Variants in CSGALNACT1 observed in about 807,000 individuals in gnomAD.
CSGALNACT1 encodes the protein chondroitin sulfate N-acetylgalactosaminyltransferase 1, also known as beta4GalNAcT-1.
Under a neutral mutation model 51.0 loss-of-function variants are expected in CSGALNACT1, and 52 were observed. The observed-to-expected ratio is 1.02, with a 90% CI of 0.82 to 1.29. CSGALNACT1 has a LOEUF of 1.29. CSGALNACT1 is among the 50% of genes most tolerant of loss of function. CSGALNACT1 has a pLI of 0.00. For missense variants in CSGALNACT1, 935 were observed against 679.2 expected (o/e 1.38, Z -4.19); for synonymous variants, 341 against 254.4 (o/e 1.34, Z -3.24).
chr8:19,669,620 T>C (rs1310979669), intron 1 of CSGALNACT1, among the ~76,000 whole-genome samples: 3 of 151,786 alleles, frequency 2.0e-5, no homozygotes, highest in South Asian at 4.2e-4. Flanking sequence ...GCCTGGCCAG[T>C]TTTTTGTTTG....
intron 4 of CSGALNACT1, among the ~76,000 whole-genome samples, chr8:19,469,671 T>C (rs11777457): frequency 0.044 from 6,760 of 152,310 alleles, 181 homozygotes; most frequent in Middle Eastern, 0.078. Flanking sequence ...CTTCCTACCA[T>C]GTAGGTCTCC....
intron 4 of CSGALNACT1, among the ~76,000 whole-genome samples, chr8:19,496,338 A>G (rs1418409022): frequency 6.6e-6 from 1 of 152,198 alleles, no homozygotes; most frequent in Non-Finnish European, 1.5e-5. Context: ...AGGGACTTCC[A>G]GATTTGGGGT....
chr8:19,672,917 G>C (rs1229391440), intron 1 of CSGALNACT1, among the ~76,000 whole-genome samples: 1 of 152,192 alleles, frequency 6.6e-6, no homozygotes, highest in Non-Finnish European at 1.5e-5. Flanking sequence ...TGAGTGATTA[G>C]AGTTTCACTG....
intron 1 of CSGALNACT1, among the ~76,000 whole-genome samples, chr8:19,646,829 T>C (rs2057323169): frequency 6.6e-6 from 1 of 152,150 alleles, no homozygotes; most frequent in African/African-American, 2.4e-5. Context: ...CCACCATCTA[T>C]TGCGTTGACC....
intron 1 of CSGALNACT1, among the ~76,000 whole-genome samples, chr8:19,670,817 C>T (rs772606907): frequency 3.3e-5 from 5 of 152,200 alleles, no homozygotes; most frequent in East Asian, 3.9e-4. Context: ...ACTTGGCTTC[C>T]GGCACAAGTA....
chr8:19,612,759 G>A (rs1181442147), intron 1 of CSGALNACT1, among the ~76,000 whole-genome samples: 4 of 151,438 alleles, frequency 2.6e-5, no homozygotes, highest in African/African-American at 7.3e-5. Flanking sequence ...ATTCTTATTC[G>A]TTCTTTAAAG....
At chr8:19,502,042 T>C (rs2076512832) in intron 4 of CSGALNACT1, among the ~76,000 whole-genome samples, 1 of 152,226 alleles carries the variant, frequency 6.6e-6, no homozygotes, top group South Asian at 2.1e-4. Flanking sequence ...TCAATATAGA[T>C]AAATTAGACA....
chr8:19,410,920 G>A (rs533655909), intron 8 of CSGALNACT1, among the ~76,000 whole-genome samples: 15 of 152,308 alleles, frequency 9.8e-5, no homozygotes, highest in Admixed American at 2.6e-4. Context: ...CTGGAAGGAC[G>A]CGCTCAATAG....
chr8:19,752,390 T>C (rs906301122), intron 1 of CSGALNACT1, among the ~76,000 whole-genome samples: 1 of 152,128 alleles, frequency 6.6e-6, no homozygotes, highest in Non-Finnish European at 1.5e-5. Flanking sequence ...TGGAACAGTC[T>C]ACCACAGACG....
chr8:19,746,324 G>C (rs2064659184), intron 1 of CSGALNACT1, among the ~76,000 whole-genome samples: 2 of 152,138 alleles, frequency 1.3e-5, no homozygotes, highest in Admixed American at 1.3e-4. Context: ...ACTAGATTCT[G>C]AACAACCTGA....
rs1159626193 is a variant in CSGALNACT1, at chr8:19,541,553, A to ATTTTTTTTTTTTTTTTT, written c.-296-35440_-296-35424dup. Among the ~76,000 whole-genome samples, 94 of 70,094 alleles carry ATTTTTTTTTTTTTTTTT rather than the reference A, an allele frequency of 1.3e-3. 15 individuals are homozygous for ATTTTTTTTTTTTTTTTT. Among genetic ancestry groups the ATTTTTTTTTTTTTTTTT allele is most frequent in the African/African-American group, 2.8e-3 (42 of 14,792 alleles). 46.0% of individuals were successfully genotyped at this position (70,094 alleles called of 152,430 possible). ...AGGTGTGAGCCACCGTGCTCAGCCA[A>ATTTTTTTTTTTTTTTTT]TTTTTTTTTTTTTTTTTTTTTTTTT... On this transcript the variant is annotated intron_variant, in intron 3 of 9. Transcript: ENST00000454498.
intron 3 of CSGALNACT1, among the ~76,000 whole-genome samples, chr8:19,570,574 A>C (rs920882666): frequency 1.3e-5 from 2 of 152,130 alleles, no homozygotes; most frequent in Non-Finnish European, 2.9e-5. Context: ...GGCATTCAGG[A>C]CAGTGGCACA....
chr8:19,651,426 T>C (rs1466695556), intron 1 of CSGALNACT1, among the ~76,000 whole-genome samples: 1 of 152,148 alleles, frequency 6.6e-6, no homozygotes, highest in Non-Finnish European at 1.5e-5. Context: ...ATCATCCACC[T>C]TCAGTTAGGC....
In CSGALNACT1 at chr8:19,623,719, T is replaced by C. The variant is rs114887501; in HGVS notation, c.-543-21854A>G. On this transcript the variant is annotated intron_variant, in intron 1 of 9. Transcript: ENST00000332246. The stretch of plus-strand genomic sequence containing the variant: ...CCCCAGGTGTTTGGATATTAACCAA[T>C]AAACTTTTAAAGAATTCATGAATCA... Among the ~76,000 whole-genome samples, 1,440 of 152,306 alleles carry C rather than the reference T, an allele frequency of 9.5e-3. 21 individuals are homozygous for C. Among genetic ancestry groups the C allele is most frequent in the African/African-American group, 0.032 (1,344 of 41,570 alleles).
At chr8:19,412,603 G>C (rs982731612) in intron 8 of CSGALNACT1, among the ~76,000 whole-genome samples, 1 of 152,188 alleles carries the variant, frequency 6.6e-6, no homozygotes, top group African/African-American at 2.4e-5. Context: ...TCACAGCAAC[G>C]CCCGTTAGCA....
intron 1 of CSGALNACT1, among the ~76,000 whole-genome samples, chr8:19,666,793 AAGAAAGAAAGAAAGAAAG>A (rs1162026394): frequency 0.063 from 2,255 of 35,540 alleles, 129 homozygotes; most frequent in African/African-American, 0.089. Flanking sequence ...GAAAGAAAGA[AAGAAAGAAAGAAAGAAAG>A]AGAGAGAGAG....
exon 5 of CSGALNACT1, chr8:19,458,550 G>T (rs1265008938): frequency 6.2e-7 from 1 of 1,614,132 alleles, no homozygotes; most frequent in Non-Finnish European, 8.5e-7. Context: ...CCGAATGGTC[G>T]AAATAAGATG....
intron 1 of CSGALNACT1, among the ~76,000 whole-genome samples, chr8:19,636,278 G>A (rs1224614154): frequency 1.3e-5 from 2 of 152,058 alleles, no homozygotes. Flanking sequence ...GTTATTGTTG[G>A]TAATCTCTAA....
intron 1 of CSGALNACT1, among the ~76,000 whole-genome samples, chr8:19,632,921 ATT>A (rs11356104): frequency 6.9e-6 from 1 of 144,996 alleles, no homozygotes; most frequent in Admixed American, 6.9e-5. Context: ...CACCCAGCTA[ATT>A]TTTTTTTCTT....
Sources: allele counts gnomAD v4.1 joint callset (sites outside exome capture counted in the v4.1 genomes callset), GRCh38; gene constraint gnomAD v4.1.1; transcripts MANE v1.5; gene names NCBI Gene and HGNC (gene_info 2026-07-23, HGNC 2026-07-21).